Variants in DDX1 observed in about 807,000 individuals in gnomAD.
DDX1 encodes DEAD-box helicase 1, also known as ATP-dependent RNA helicase DDX1.
In DDX1, 28 loss-of-function variants were observed where a neutral mutation model predicts 108.7. The ratio of observed to expected loss-of-function variants is 0.26; its 90% confidence interval spans 0.19 to 0.35. The LOEUF (loss-of-function observed/expected upper bound fraction) is 0.35. Among genes scored for constraint, DDX1 ranks in the 10% least tolerant of loss-of-function variants. The probability of loss-of-function intolerance (pLI) is 1.00; values close to 1 mark genes in which losing one functional copy is unlikely to be tolerated. For synonymous variants in DDX1, 295 were observed against 288.9 expected, an observed-to-expected ratio of 1.02 and a Z score of -0.21; for missense variants, 710 against 884.5, an observed-to-expected ratio of 0.80 and a Z score of 2.50.
rs141096565 is a variant in DDX1 at position 15,626,213 on chromosome 2, G to A, written c.1595-841G>A. Among the ~76,000 whole-genome samples, 1,270 of 152,186 alleles carry A rather than the reference G, an allele frequency of 8.3e-3. 16 individuals are homozygous for A. Among genetic ancestry groups the A allele is most frequent in the African/African-American group, 0.027 (1,141 of 41,548 alleles). On this transcript the variant is annotated intron_variant, in intron 19 of 25. Coordinates refer to ENST00000233084, the MANE Select transcript of DDX1 (RefSeq NM_004939.3). Reference sequence around the variant, plus strand: ...CCCCTCCACACATACCCTAACCAGAGAGTTATAGTGTGTATTTGATACTTC... The same window carrying A: ...CCCCTCCACACATACCCTAACCAGAAAGTTATAGTGTGTATTTGATACTTC...
At chr2:15,610,190 C>T (rs969201419) in intron 13 of DDX1, among the ~76,000 whole-genome samples, 1 of 152,186 alleles carries the variant, frequency 6.6e-6, no homozygotes, top group African/African-American at 2.4e-5. Context: ...TCTCCGCCTC[C>T]GAAAGTGCTG....
intron 14 of DDX1, among the ~76,000 whole-genome samples, chr2:15,613,628 A>G (rs540021136): frequency 6.6e-6 from 1 of 152,288 alleles, no homozygotes; most frequent in East Asian, 1.9e-4. Flanking sequence ...TAGAGGTAAA[A>G]TAGATTGCAG....
intron 5 of DDX1, among the ~76,000 whole-genome samples, chr2:15,597,816 C>T (rs1326279538): frequency 1.3e-5 from 2 of 152,086 alleles, no homozygotes; most frequent in Non-Finnish European, 2.9e-5. Context: ...AAGGATTTTA[C>T]AAATAATTTA....
intron 23 of DDX1, 43 bp downstream of exon 23, chr2:15,628,882 G>T (rs1666145357): frequency 1.3e-6 from 2 of 1,555,308 alleles, no homozygotes; most frequent in African/African-American, 1.4e-5. Context: ...TGTGTGTTGT[G>T]ATTTTAGATG....
intron 13 of DDX1, among the ~76,000 whole-genome samples, chr2:15,611,432 AG>A (rs1337211932): frequency 1.4e-5 from 2 of 147,300 alleles, no homozygotes; most frequent in Non-Finnish European, 3.0e-5. Context: ...GGCCGGGCAG[AG>A]GGGCTCCTCA....
At chr2:15,621,747 G>C (rs1274918169) in intron 18 of DDX1, among the ~76,000 whole-genome samples, 1 of 151,486 alleles carries the variant, frequency 6.6e-6, no homozygotes, top group Admixed American at 6.6e-5. Flanking sequence ...CTGCCTCCCA[G>C]GCTCAAGCAG....
intron 2 of DDX1, 92 bp from the exon 3 acceptor site, chr2:15,595,398 A>G: frequency 1.8e-6 from 2 of 1,109,642 alleles, no homozygotes; most frequent in Admixed American, 3.7e-5. Flanking sequence ...TTTACCACGT[A>G]AAATTTTCTT....
intron 1 of DDX1, among the ~76,000 whole-genome samples, chr2:15,594,084 AC>A (rs1449547699): frequency 3.9e-4 from 59 of 151,976 alleles, no homozygotes; most frequent in African/African-American, 1.3e-3. Context: ...TCAAAAAAAA[AC>A]AAAAGAAAAG....
intron 5 of DDX1, 60 bp from the exon 6 acceptor site, chr2:15,599,609 G>T: frequency 7.3e-7 from 1 of 1,373,434 alleles, no homozygotes; most frequent in Non-Finnish European, 1.0e-6. Flanking sequence ...CACCGCACCC[G>T]GCCAAGCATT....
At chr2:15,617,102 CT>C (rs11305723) in intron 14 of DDX1, 141 bp from the exon 15 acceptor site, 66,030 of 351,362 alleles carry the variant, frequency 0.19, 2,520 homozygotes, top group East Asian at 0.37. Context: ...TCTGTAACTC[CT>C]TTTTTTTTTT....
At chr2:15,599,402 G>C (rs1273559049) in intron 5 of DDX1, among the ~76,000 whole-genome samples, 1 of 151,822 alleles carries the variant, frequency 6.6e-6, no homozygotes, top group African/African-American at 2.4e-5. Context: ...CACCTCCTGG[G>C]CTCAAGCGAT....
rs1463789788 is a variant in DDX1, at chr2:15,630,021, G to A, written c.2003G>A (p.Cys668Tyr). 5.0e-6 allele frequency: 8 copies of A among 1,612,510 alleles called. No homozygotes were observed. The highest frequency in any genetic ancestry group is 6.8e-6 in the Non-Finnish European group (8 of 1,178,832). Residue 668 changes from cysteine to tyrosine, a missense_variant, in exon 25 of 26, where the codon TGT (cysteine) becomes TAT (tyrosine). Cys to Tyr is a radical substitution (Grantham distance 194). Transcript: ENST00000233084. ...LLSEIEEHLN[C>Y]TISQVEPDIK... ...TCTGAGATAGAAGAACACCTGAACTGTACCATTTCTCAGGTTGAGCCGGAT... is the reference window on the plus strand; with the variant it reads ...TCTGAGATAGAAGAACACCTGAACTATACCATTTCTCAGGTTGAGCCGGAT...
Position 15,603,190 on chromosome 2 carries a change from A to G in DDX1, c.392-2A>G. The G allele has an allele frequency of 6.2e-7, 1 of 1,602,966 alleles. No homozygotes were observed. Among genetic ancestry groups the G allele is most frequent in the South Asian group, 1.1e-5 (1 of 89,758 alleles). ...AAATCTCAATGTATTTTACCCTTGTAGGGAAACACTACTATGAAGTATCCT... is the reference window on the plus strand; with the variant it reads ...AAATCTCAATGTATTTTACCCTTGTGGGGAAACACTACTATGAAGTATCCT... On this transcript the variant is annotated splice_acceptor_variant, in intron 7 of 25. Coordinates refer to ENST00000233084, the MANE Select transcript of DDX1 (RefSeq NM_004939.3). LOFTEE classifies it high-confidence loss of function.
chr2:15,618,988 C>T (rs2148746899), intron 16 of DDX1, among the ~76,000 whole-genome samples: 1 of 152,322 alleles, frequency 6.6e-6, no homozygotes, highest in African/African-American at 2.4e-5. Flanking sequence ...ATCTCCGAAC[C>T]TGTGGGGGCA....
intron 20 of DDX1, chr2:15,627,565 G>A (rs1183632469): frequency 6.3e-6 from 1 of 158,632 alleles, no homozygotes; most frequent in South Asian, 1.8e-4. Flanking sequence ...ACTGTTTGGG[G>A]CAGACCTTTC....
intron 16 of DDX1, among the ~76,000 whole-genome samples, chr2:15,619,027 G>A (rs922677487): frequency 6.6e-6 from 1 of 152,214 alleles, no homozygotes; most frequent in Non-Finnish European, 1.5e-5. Flanking sequence ...CCCCCCGAGT[G>A]CAGAGATGTC....
chr2:15,602,684 C>T (rs1460064619), intron 7 of DDX1, 53 bp downstream of exon 7: 9 of 1,308,574 alleles, frequency 6.9e-6, no homozygotes, highest in African/African-American at 5.8e-5. Context: ...GGTATTAATA[C>T]GTGAGGGTTT....
intron 1 of DDX1, among the ~76,000 whole-genome samples, chr2:15,593,468 A>G (rs1454603986): frequency 6.6e-6 from 1 of 152,210 alleles, no homozygotes; most frequent in Non-Finnish European, 1.5e-5. Flanking sequence ...TTTTTCCTTA[A>G]CTGTTAAAAG....
chr2:15,602,425 A>C (rs1448866682), intron 6 of DDX1, 123 bp from the exon 7 acceptor site: 10 of 675,088 alleles, frequency 1.5e-5, no homozygotes, highest in Admixed American at 4.8e-5. Context: ...GGAACATTGC[A>C]ACAAATGAAG....
Sources: gnomAD v4.1 joint callset for allele counts (sites outside exome capture counted in the v4.1 genomes callset) on GRCh38, gnomAD v4.1.1 for gene constraint, MANE v1.5 for transcripts, NCBI Gene and HGNC (gene_info 2026-07-23, HGNC 2026-07-21) for gene names.